ZNF385D: variants seen among roughly 807,000 people sequenced by gnomAD.
The protein encoded by ZNF385D is zinc finger protein 659.
Under a neutral mutation model 35.8 loss-of-function variants are expected in ZNF385D, and 15 were observed. That is an observed-to-expected ratio of 0.42 (90% CI 0.28 to 0.64). The LOEUF (loss-of-function observed/expected upper bound fraction) is 0.64. ZNF385D is among the 30% of genes least tolerant of loss of function. ZNF385D has a pLI of 0.23. For missense variants in ZNF385D, 474 were observed against 494.6 expected (o/e 0.96, Z 0.39); for synonymous variants, 212 against 186.8 (o/e 1.13, Z -1.10).
intron 2 of ZNF385D, among the ~76,000 whole-genome samples, chr3:22,319,591 C>T (rs1575111070): frequency 6.6e-6 from 1 of 152,108 alleles, no homozygotes; most frequent in East Asian, 1.9e-4. Context: ...CTAGCAATAG[C>T]AGGGTCCACA....
In ZNF385D at chr3:22,016,382, C is replaced by G. The variant is rs185307759; in HGVS notation, c.325+152435G>C. Reference sequence around the variant, plus strand: ...GCGAAACCTTGACCCAGATGCTATACTTAGCATTCTATGTACTTAGTATCC... The same window carrying G: ...GCGAAACCTTGACCCAGATGCTATAGTTAGCATTCTATGTACTTAGTATCC... On this transcript the variant is annotated intron_variant, in intron 3 of 5. Coordinates refer to the ZNF385D transcript ENST00000494108. Among the ~76,000 whole-genome samples, 6 of 152,216 alleles carry G rather than the reference C, an allele frequency of 3.9e-5. No homozygotes were observed. In the East Asian group the frequency reaches 1.2e-3, roughly 29 times the overall value.
chr3:21,926,663 A>G (rs1174614980), intron 3 of ZNF385D, among the ~76,000 whole-genome samples: 1 of 152,200 alleles, frequency 6.6e-6, no homozygotes, highest in Non-Finnish European at 1.5e-5. Context: ...GATGGATTAA[A>G]GACTTAAATG....
At chr3:22,133,348 A>C (rs1434221424) in intron 3 of ZNF385D, among the ~76,000 whole-genome samples, 1 of 152,114 alleles carries the variant, frequency 6.6e-6, no homozygotes, top group African/African-American at 2.4e-5. Context: ...TACTGAACAT[A>C]AACTCTCTAT....
At chr3:22,072,744 A>C (rs1348265605) in intron 3 of ZNF385D, among the ~76,000 whole-genome samples, 1 of 151,960 alleles carries the variant, frequency 6.6e-6, no homozygotes, top group Non-Finnish European at 1.5e-5. Flanking sequence ...AAGGAAGAAA[A>C]AAGAAGAAAT....
chr3:22,268,248 A>G (rs1700994736), intron 2 of ZNF385D, among the ~76,000 whole-genome samples: 1 of 152,026 alleles, frequency 6.6e-6, no homozygotes, highest in Admixed American at 6.6e-5. Flanking sequence ...GGCACAAATC[A>G]GCCATGTTCT....
chr3:22,279,452 G>A (rs1701602929), intron 2 of ZNF385D, among the ~76,000 whole-genome samples: 1 of 149,374 alleles, frequency 6.7e-6, no homozygotes, highest in Admixed American at 6.7e-5. Flanking sequence ...TCCCTTTTAA[G>A]GCTGAATAGT....
At chr3:21,718,455 C>T (rs560295797) in intron 1 of ZNF385D, among the ~76,000 whole-genome samples, 20 of 152,320 alleles carry the variant, frequency 1.3e-4, no homozygotes, top group African/African-American at 2.4e-4. Flanking sequence ...ATGATAACAA[C>T]GAAAGCCAGT....
chr3:21,626,927 G>A lies in ZNF385D; in HGVS notation c.165+37959C>T, dbSNP rs572574733. Among the ~76,000 whole-genome samples, 255 of 152,118 alleles carry A rather than the reference G, an allele frequency of 1.7e-3. 1 individual carries two copies. Among genetic ancestry groups the A allele is most frequent in the African/African-American group, 5.6e-3 (232 of 41,522 alleles). ...GTGGTCCTGATAAGCCTGTAGAAAAGAACTGGGTATTGAGGGGCTTAGGGA... is the reference window on the plus strand; with the variant it reads ...GTGGTCCTGATAAGCCTGTAGAAAAAAACTGGGTATTGAGGGGCTTAGGGA... On this transcript the variant is annotated intron_variant, in intron 2 of 7. Transcript: ENST00000281523.
At chr3:21,783,940 A>G (rs1211822078) in intron 3 of ZNF385D, among the ~76,000 whole-genome samples, 2 of 152,180 alleles carry the variant, frequency 1.3e-5, no homozygotes, top group East Asian at 3.9e-4. Context: ...TATGTAAGCA[A>G]GTCTTCCAGA....
At chr3:22,220,276 A>G (rs1698173732) in intron 2 of ZNF385D, among the ~76,000 whole-genome samples, 1 of 151,894 alleles carries the variant, frequency 6.6e-6, no homozygotes. Flanking sequence ...TGTTGCCCAG[A>G]CTGGTCTTGA....
intron 3 of ZNF385D, among the ~76,000 whole-genome samples, chr3:22,166,206 T>C (rs62248921): frequency 0.1 from 13,392 of 130,534 alleles, 794 homozygotes; most frequent in Non-Finnish European, 0.16. Flanking sequence ...ATATTAGTAA[T>C]GAGAGGTCAC....
chr3:22,028,686 G>A (rs780685097), intron 3 of ZNF385D, among the ~76,000 whole-genome samples: 1 of 152,154 alleles, frequency 6.6e-6, no homozygotes, highest in Non-Finnish European at 1.5e-5. Context: ...CATGATCATG[G>A]TATTCCACAC....
chr3:22,115,458 T>C (rs1450738418), intron 3 of ZNF385D, among the ~76,000 whole-genome samples: 1 of 152,128 alleles, frequency 6.6e-6, no homozygotes, highest in African/African-American at 2.4e-5. Context: ...TTATTTTATG[T>C]CATACAGTTG....
At chr3:22,208,206 A>T (rs953148677) in intron 2 of ZNF385D, among the ~76,000 whole-genome samples, 1 of 151,942 alleles carries the variant, frequency 6.6e-6, no homozygotes, top group Non-Finnish European at 1.5e-5. Context: ...ATCAAGACTC[A>T]AATGGAGAAA....
At chr3:22,070,191 G>C (rs957216815) in intron 3 of ZNF385D, among the ~76,000 whole-genome samples, 3 of 152,026 alleles carry the variant, frequency 2.0e-5, no homozygotes, top group Non-Finnish European at 2.9e-5. Context: ...CTACTCACAT[G>C]TTGTAATTTA....
chr3:21,809,657 C>T (rs866731839), intron 3 of ZNF385D, among the ~76,000 whole-genome samples: 2 of 81,182 alleles, frequency 2.5e-5, no homozygotes, highest in African/African-American at 8.4e-5. Context: ...TATACATATA[C>T]ATATATACAC....
intron 3 of ZNF385D, among the ~76,000 whole-genome samples, chr3:21,781,282 C>T (rs145375282): frequency 6.6e-6 from 1 of 151,800 alleles, no homozygotes; most frequent in African/African-American, 2.4e-5. Flanking sequence ...GATACATAGT[C>T]AGGAAGAGTA....
intron 2 of ZNF385D, among the ~76,000 whole-genome samples, chr3:21,567,859 G>A (rs547275305): frequency 2.0e-5 from 3 of 152,218 alleles, no homozygotes; most frequent in South Asian, 2.1e-4. Context: ...TAACACTGGG[G>A]AGGCAGTGAC....
chr3:21,827,240 A>G (rs1016479390), intron 3 of ZNF385D, among the ~76,000 whole-genome samples: 17 of 152,196 alleles, frequency 1.1e-4, no homozygotes, highest in Admixed American at 2.0e-4. Context: ...TCCTTCATGA[A>G]GACATTTGAA....
Sources: allele counts gnomAD v4.1 joint callset (sites outside exome capture counted in the v4.1 genomes callset), GRCh38; gene constraint gnomAD v4.1.1; transcripts MANE v1.5; gene names NCBI Gene and HGNC (gene_info 2026-07-23, HGNC 2026-07-21).